FLRT1: variants seen among roughly 807,000 people sequenced by gnomAD.
FLRT1 encodes leucine-rich repeat transmembrane protein FLRT1.
A neutral mutation model predicts 30.9 loss-of-function variants in FLRT1; 14 were observed. The ratio of observed to expected loss-of-function variants is 0.45; its 90% CI spans 0.30 to 0.71. The LOEUF (loss-of-function observed/expected upper bound fraction) is 0.71, where lower values mean the gene tolerates loss of function less well. Ranked by LOEUF, FLRT1 falls within the 30% of genes least tolerant of loss-of-function variation. The pLI, the probability that FLRT1 is intolerant of heterozygous loss-of-function variation, is 0.08. For missense variants in FLRT1, 737 were observed against 949.2 expected (o/e 0.78, Z 2.94); for synonymous variants, 368 against 430.4 (o/e 0.85, Z 1.80).
At chr11:64,089,504 A>C (rs1944453009) in intron 1 of FLRT1, among the ~76,000 whole-genome samples, 1 of 152,204 alleles carries the variant, frequency 6.6e-6, no homozygotes. Flanking sequence ...TGACTCCCCC[A>C]GGGCATTCTC....
intron 1 of FLRT1, among the ~76,000 whole-genome samples, chr11:64,095,981 C>CA (rs911227398): frequency 2.8e-3 from 95 of 34,384 alleles, no homozygotes; most frequent in African/African-American, 4.4e-3. Context: ...TCCCCCCACC[C>CA]CCCAGGGGCC....
At chr11:64,058,657 T>C (rs1413628875) in intron 1 of FLRT1, among the ~76,000 whole-genome samples, 1 of 152,230 alleles carries the variant, frequency 6.6e-6, no homozygotes, top group East Asian at 1.9e-4. Context: ...CCCATGACAC[T>C]GAACAGCTTC....
Position 64,113,242 on chromosome 11 carries a change from T to C in FLRT1, c.-49-2977T>C, listed in dbSNP as rs2134599514. On this transcript the variant is annotated intron_variant, in intron 2 of 2. Coordinates refer to ENST00000682287, the MANE Select transcript of FLRT1 (RefSeq NM_013280.5). ...TAAATGACTTAAATATTAGGAAAGT[T>C]CTCAGCAAAGCCTTTATTATAGTGT... Among the ~76,000 whole-genome samples the C allele has an allele frequency of 2.0e-5, 3 of 152,368 alleles. No individual in the cohort carries two copies. The South Asian group carries it at 6.2e-4, about 32-fold the overall frequency.
At chr11:64,062,595 C>T (rs1943924950) in intron 1 of FLRT1, among the ~76,000 whole-genome samples, 1 of 152,022 alleles carries the variant, frequency 6.6e-6, no homozygotes, top group African/African-American at 2.4e-5. Context: ...CATGTACAGG[C>T]ACTGTCCTGG....
At chr11:64,045,717 C>G (rs768728807) in intron 1 of FLRT1, among the ~76,000 whole-genome samples, 1 of 152,352 alleles carries the variant, frequency 6.6e-6, no homozygotes, top group East Asian at 1.9e-4. Flanking sequence ...GCATAAGCCA[C>G]TGTACCCCTG....
chr11:64,083,947 C>T (rs977462018), intron 1 of FLRT1, among the ~76,000 whole-genome samples: 5 of 152,304 alleles, frequency 3.3e-5, no homozygotes, highest in South Asian at 2.1e-4. Context: ...GGCAGCCCGG[C>T]GCTGCTGTGG....
intron 1 of FLRT1, among the ~76,000 whole-genome samples, chr11:64,069,329 C>A (rs1420639161): frequency 3.3e-5 from 5 of 152,196 alleles, no homozygotes; most frequent in African/African-American, 1.2e-4. Context: ...AGCCGAAGAG[C>A]CTGGGGGGCA....
chr11:64,082,340 C>T lies in FLRT1; in HGVS notation c.-1037-20854C>T, dbSNP rs1006207. 0.51 allele frequency among the ~76,000 whole-genome samples: 76,625 copies of T among 151,444 alleles called. 23,457 individuals carry two copies. Among genetic ancestry groups the T allele is most frequent in the Non-Finnish European group, 0.68 (46,440 of 67,798 alleles). ...TGGGTGGAGGATGATCCGGGGGGAC[C>T]GTGGAAGGCAGGACGGGGGCCAGGA... is the stretch of plus-strand genomic sequence containing the variant. On this transcript the variant is annotated intron_variant, in intron 1 of 2. Transcript: ENST00000682287. The surrounding 1 kb of genome is among the most constrained non-coding windows in gnomAD (Gnocchi z 4.5).
intron 1 of FLRT1, among the ~76,000 whole-genome samples, chr11:64,037,327 C>CGGCGGCCGCGGGGGA (rs1565203922): frequency 6.6e-6 from 1 of 152,048 alleles, no homozygotes; most frequent in Non-Finnish European, 1.5e-5. Flanking sequence ...TGTCTCTGCC[C>CGGCGGCCGCGGGGGA]GGCGGCCGCG....
At chr11:64,115,254 T>C (rs1281882189) in intron 2 of FLRT1, among the ~76,000 whole-genome samples, 1 of 152,190 alleles carries the variant, frequency 6.6e-6, no homozygotes, top group Non-Finnish European at 1.5e-5. Context: ...ATAAGAAAAA[T>C]CTATGCTGCT....
chr11:64,054,356 C>T (rs561177062), intron 1 of FLRT1, among the ~76,000 whole-genome samples: 11 of 152,362 alleles, frequency 7.2e-5, no homozygotes, highest in African/African-American at 2.6e-4. Flanking sequence ...GAAGCGGCCA[C>T]TTCTCCAGGA....
intron 1 of FLRT1, among the ~76,000 whole-genome samples, chr11:64,091,802 GCCA>G (rs1328671725): frequency 6.6e-6 from 1 of 152,106 alleles, no homozygotes; most frequent in African/African-American, 2.4e-5. Flanking sequence ...CTGACAGTGG[GCCA>G]CTACCCCAGT....
intron 1 of FLRT1, among the ~76,000 whole-genome samples, chr11:64,057,426 C>T (rs1943810248): frequency 6.6e-6 from 1 of 152,188 alleles, no homozygotes; most frequent in African/African-American, 2.4e-5. Flanking sequence ...CCAGCTCATG[C>T]CAGTTCTGAG....
At chr11:64,068,860 G>T (rs898361173) in intron 1 of FLRT1, among the ~76,000 whole-genome samples, 55 of 152,336 alleles carry the variant, frequency 3.6e-4, no homozygotes, top group African/African-American at 1.3e-3. Context: ...AGTGAGCCTC[G>T]GCCTTCCCCG....
At chr11:64,043,391 C>T (rs1943525439) in intron 1 of FLRT1, among the ~76,000 whole-genome samples, 1 of 152,218 alleles carries the variant, frequency 6.6e-6, no homozygotes, top group South Asian at 2.1e-4. Context: ...GCCCCGAGGT[C>T]TGGGGCCCAT....
rs1016917137 is a variant in FLRT1, at chr11:64,067,644, G to C, written c.-1038+31485G>C. The stretch of plus-strand genomic sequence containing the variant: ...GCCCGTGGCCTCCGGTGCACACACA[G>C]GGTCCCCAAGCAGGCAGCTGGAGGG... On this transcript the variant is annotated intron_variant, in intron 1 of 2. Coordinates refer to ENST00000682287, the MANE Select transcript of FLRT1 (RefSeq NM_013280.5). This position sits in a 1 kb window ranked among gnomAD's most constrained non-coding sequence, Gnocchi z 4.6. Among the ~76,000 whole-genome samples the C allele has an allele frequency of 6.6e-6, 1 of 152,152 alleles. No individual in the cohort carries two copies.
rs569021177 is a variant in FLRT1, at chr11:64,096,221, G to A, written c.-1037-6973G>A. ...AAGAGCACTGTGACGGGCAGGCAGG[G>A]GGTCGAACAGCCACTGTTCTGCCGA... On this transcript the variant is annotated intron_variant, in intron 1 of 2. Coordinates refer to ENST00000682287, the MANE Select transcript of FLRT1 (RefSeq NM_013280.5). The surrounding 1 kb of genome is among the most constrained non-coding windows in gnomAD (Gnocchi z 4.6). Among the ~76,000 whole-genome samples, 1 of 152,348 alleles carries A rather than the reference G, an allele frequency of 6.6e-6. No individual in the cohort carries two copies. Among genetic ancestry groups the A allele is most frequent in the East Asian group, 1.9e-4 (1 of 5,178 alleles).
intron 1 of FLRT1, among the ~76,000 whole-genome samples, chr11:64,042,483 C>G (rs1026448233): frequency 3.3e-5 from 5 of 152,176 alleles, no homozygotes; most frequent in Admixed American, 6.5e-5. Flanking sequence ...TAGAGGAGGC[C>G]CTGTGATGGC....
chr11:64,117,457 G>A lies in FLRT1; in HGVS notation c.1190G>A (p.Ser397Asn), dbSNP rs1278008256. 4 of 1,613,028 alleles carry A rather than the reference G, an allele frequency of 2.5e-6. No individual in the cohort carries two copies. Among genetic ancestry groups the A allele is most frequent in the African/African-American group, 1.3e-5 (1 of 75,052 alleles). ...VANAAAKTTA[S>N]NHASATTPQG... ...AATGCGGCTGCCAAGACCACGGCCA[G>A]CAACCACGCCTCTGCCACCACGCCC... The change falls in exon 3 of 3, where the codon AGC becomes AAC. Residue 397 changes from serine to asparagine, a missense_variant. Transcript: ENST00000682287.
Sources: gnomAD v4.1 joint callset for allele counts (sites outside exome capture counted in the v4.1 genomes callset) on GRCh38, gnomAD v4.1.1 for gene constraint, Gnocchi (gnomAD v3.1) non-coding constraint, MANE v1.5 for transcripts, NCBI Gene and HGNC (gene_info 2026-07-23, HGNC 2026-07-21) for gene names.